Variants in SLC44A5 observed in about 807,000 individuals in gnomAD.
The protein encoded by SLC44A5 is solute carrier family 44 member 5.
Under a neutral mutation model 101.8 loss-of-function variants are expected in SLC44A5, and 57 were observed. The ratio of observed to expected loss-of-function variants is 0.56; its 90% CI spans 0.45 to 0.70. SLC44A5 has a LOEUF of 0.70. Among genes scored for constraint, SLC44A5 ranks in the 30% least tolerant of loss-of-function variants. The pLI is 0.00. For synonymous variants in SLC44A5, 281 were observed against 290.9 expected, an observed-to-expected ratio of 0.97 and a Z score of 0.35; for missense variants, 737 against 853.1, an observed-to-expected ratio of 0.86 and a Z score of 1.70.
the SLC44A5 span, among the ~76,000 whole-genome samples, chr1:75,695,174 T>C: frequency 2.6e-5 from 4 of 152,198 alleles, no homozygotes; most frequent in Admixed American, 1.3e-4. Context: ...TCTGTGCAGA[T>C]GATCATTAGA....
the SLC44A5 span, among the ~76,000 whole-genome samples, chr1:75,656,544 A>T: frequency 6.6e-6 from 1 of 152,282 alleles, no homozygotes. Context: ...GAGTGTTATA[A>T]TTTTTTCTCT....
At chr1:75,360,262 A>T (rs1232447729) in intron 3 of SLC44A5, among the ~76,000 whole-genome samples, 1 of 152,020 alleles carries the variant, frequency 6.6e-6, no homozygotes, top group Non-Finnish European at 1.5e-5. Flanking sequence ...TGTCATGGAA[A>T]TTTTCTTCTG....
At chr1:75,361,120 G>A (rs765265819) in intron 3 of SLC44A5, among the ~76,000 whole-genome samples, 2 of 151,962 alleles carry the variant, frequency 1.3e-5, no homozygotes, top group Non-Finnish European at 1.5e-5. Context: ...TGTTATTTGT[G>A]TATAGAGGTG....
At chr1:75,552,897 T>C (rs1006752745) in intron 1 of SLC44A5, among the ~76,000 whole-genome samples, 1 of 14,208 alleles carries the variant, frequency 7.0e-5, no homozygotes, top group African/African-American at 3.4e-4. Context: ...AACTTTTCCA[T>C]GCTTTCACCT....
At chr1:75,631,608 G>A in the SLC44A5 span, among the ~76,000 whole-genome samples, 30 of 139,344 alleles carry the variant, frequency 2.2e-4, no homozygotes, top group South Asian at 4.6e-4. Context: ...GTGCAATGTC[G>A]CAATCTCAGC....
At chr1:75,610,612 T>C (rs1675603394) in intron 1 of SLC44A5, among the ~76,000 whole-genome samples, 1 of 152,112 alleles carries the variant, frequency 6.6e-6, no homozygotes, top group Non-Finnish European at 1.5e-5. Context: ...ACTGATCACA[T>C]GGTCAGCTGT....
At chr1:75,587,470 A>G (rs1270476827) in intron 1 of SLC44A5, among the ~76,000 whole-genome samples, 1 of 152,140 alleles carries the variant, frequency 6.6e-6, no homozygotes, top group Non-Finnish European at 1.5e-5. Flanking sequence ...TGGCCAGTTC[A>G]TTCATCATTT....
At chr1:75,669,826 G>C in the SLC44A5 span, among the ~76,000 whole-genome samples, 1 of 152,108 alleles carries the variant, frequency 6.6e-6, no homozygotes, top group African/African-American at 2.4e-5. Context: ...CATACCAGGA[G>C]CTTTACTAAA....
the SLC44A5 span, among the ~76,000 whole-genome samples, chr1:75,663,991 AG>A: frequency 6.6e-6 from 1 of 152,218 alleles, no homozygotes; most frequent in African/African-American, 2.4e-5. Context: ...CTGGGATGCA[AG>A]TCGGTTCAAC....
intron 2 of SLC44A5, among the ~76,000 whole-genome samples, chr1:75,446,434 G>A (rs4949854): frequency 0.098 from 14,969 of 152,068 alleles, 909 homozygotes; most frequent in Admixed American, 0.19. Context: ...ACTCTTTTGA[G>A]TCTCTGCCTA....
chr1:75,322,470 G>C (rs916899598), intron 4 of SLC44A5, among the ~76,000 whole-genome samples: 1 of 151,958 alleles, frequency 6.6e-6, no homozygotes, highest in Non-Finnish European at 1.5e-5. Flanking sequence ...TTATATGCTG[G>C]TGTGTCTTCC....
chr1:75,506,691 T>G (rs565475003), intron 2 of SLC44A5, among the ~76,000 whole-genome samples: 2 of 152,106 alleles, frequency 1.3e-5, no homozygotes, highest in Non-Finnish European at 2.9e-5. Context: ...ATTGATTTTG[T>G]ATGCTGACAC....
chr1:75,247,858 T>C (rs1160536663), intron 7 of SLC44A5, among the ~76,000 whole-genome samples: 2 of 151,668 alleles, frequency 1.3e-5, no homozygotes, highest in Non-Finnish European at 2.9e-5. Context: ...AAAGCTTGGA[T>C]GAGAGTGAGA....
chr1:75,492,617 A>C (rs1216299202), intron 2 of SLC44A5, among the ~76,000 whole-genome samples: 1 of 152,244 alleles, frequency 6.6e-6, no homozygotes, highest in Admixed American at 6.5e-5. Context: ...AAGAAAGCAC[A>C]TAAAACTTTA....
chr1:75,485,108 T>G (rs1668082716), intron 2 of SLC44A5, among the ~76,000 whole-genome samples: 1 of 152,250 alleles, frequency 6.6e-6, no homozygotes, highest in Non-Finnish European at 1.5e-5. Context: ...TTTTCTTTAC[T>G]TATGCAAATT....
chr1:75,301,745 T>A (rs1654462545), intron 4 of SLC44A5, among the ~76,000 whole-genome samples: 1 of 152,228 alleles, frequency 6.6e-6, no homozygotes, highest in Admixed American at 6.5e-5. Context: ...AGAATATCTT[T>A]AGGCTATTAT....
chr1:75,352,438 G>GTT (rs1022722383), intron 3 of SLC44A5, among the ~76,000 whole-genome samples: 26 of 148,208 alleles, frequency 1.8e-4, no homozygotes, highest in African/African-American at 6.5e-4. Flanking sequence ...TCTGTTTTTT[G>GTT]TTTTTTTTTT....
intron 2 of SLC44A5, among the ~76,000 whole-genome samples, chr1:75,504,889 G>C (rs1231613829): frequency 6.6e-6 from 1 of 151,986 alleles, no homozygotes; most frequent in African/African-American, 2.4e-5. Context: ...ACATAGGTTT[G>C]TTACATGGGT....
At chr1:75,393,388 G>C (rs935074973) in intron 3 of SLC44A5, among the ~76,000 whole-genome samples, 6 of 152,076 alleles carry the variant, frequency 3.9e-5, no homozygotes, top group African/African-American at 1.4e-4. Flanking sequence ...GTATACATAT[G>C]ACAATGTAAT....
Sources: allele counts gnomAD v4.1 joint callset (sites outside exome capture counted in the v4.1 genomes callset), GRCh38; gene constraint gnomAD v4.1.1; transcripts MANE v1.5; gene names NCBI Gene and HGNC (gene_info 2026-07-23, HGNC 2026-07-21).